Variants in ETV3 observed in about 807,000 individuals in gnomAD.
ETV3 encodes ETS variant transcription factor 3.
A neutral mutation model predicts 33.0 loss-of-function variants in ETV3; 8 were observed. The observed-to-expected ratio is 0.24, with a 90% CI of 0.14 to 0.44. The LOEUF (loss-of-function observed/expected upper bound fraction) is 0.44, where lower values mean the gene tolerates loss of function less well. Ranked by LOEUF, ETV3 falls within the 20% of genes least tolerant of loss-of-function variation. The pLI is 1.00. For missense variants in ETV3, 473 were observed against 652.3 expected (o/e 0.73, Z 2.99); for synonymous variants, 222 against 238.9 (o/e 0.93, Z 0.65).
At position 157,125,339 on chromosome 1, in the gene ETV3, C is replaced by A. The variant is rs1674804072; in HGVS notation, c.1041G>T (p.Gln347His). Residue 347 changes from glutamine (Q) to histidine (H), a missense_variant, in exon 5 of 5, where the codon CAG becomes CAT. Gln to His is a conservative substitution (Grantham distance 24). Coordinates refer to ENST00000368192, the MANE Select transcript of ETV3 (RefSeq NM_001145312.3). The surrounding 1 kb of genome is among the most constrained non-coding windows in gnomAD (Gnocchi z 4.0). ...EESTQFSIKL[Q>H]PPPVGRKNRE... is the part of the protein sequence containing the mutation. ...GGTTCTTCCGCCCAACTGGTGGGGG[C>A]TGCAGCTTGATGGAGAACTGAGTTG... is the stretch of plus-strand genomic sequence containing the variant. The A allele has an allele frequency of 6.4e-7, 1 of 1,551,856 alleles. No homozygotes were observed. The highest frequency in any genetic ancestry group is 1.4e-5 in the African/African-American group (1 of 73,038).
chr1:157,126,340 G>A (rs1674834902), intron 4 of ETV3, among the ~76,000 whole-genome samples: 1 of 152,164 alleles, frequency 6.6e-6, no homozygotes, highest in African/African-American at 2.4e-5. Context: ...TAAATATTAA[G>A]TGGAATGAAT....
intron 4 of ETV3, among the ~76,000 whole-genome samples, chr1:157,132,631 G>A (rs1674994121): frequency 6.6e-6 from 1 of 152,182 alleles, no homozygotes; most frequent in African/African-American, 2.4e-5. Flanking sequence ...GGGCAAGAGT[G>A]AGAAACAGAG....
chr1:157,134,011 G>T, intron 4 of ETV3, 101 bp downstream of exon 4: 6 of 1,524,062 alleles, frequency 3.9e-6, no homozygotes, highest in Non-Finnish European at 5.3e-6. Context: ...TTATTTTAGT[G>T]TTTCTAAAAT....
intron 2 of ETV3, among the ~76,000 whole-genome samples, 166 bp downstream of exon 2, chr1:157,136,141 A>C (rs1172405946): frequency 6.6e-6 from 1 of 152,168 alleles, no homozygotes; most frequent in Non-Finnish European, 1.5e-5. Context: ...CAGACATGTT[A>C]AATATACATC....
chr1:157,127,624 C>T (rs1674872105), intron 4 of ETV3, among the ~76,000 whole-genome samples: 1 of 151,080 alleles, frequency 6.6e-6, no homozygotes, highest in East Asian at 2.0e-4. Context: ...TGGCTCAATG[C>T]AACCTCCACC....
chr1:157,126,782 C>T (rs113470838), intron 4 of ETV3, among the ~76,000 whole-genome samples: 4,286 of 94,802 alleles, frequency 0.045, 179 homozygotes, highest in African/African-American at 0.16. Context: ...GCTGACTGTG[C>T]GGAGGGACAG....
rs1204541303 is a variant in ETV3 at position 157,121,964 on chromosome 1, A to G, written c.*2877T>C. The G allele has an allele frequency of 6.6e-6, 1 of 152,246 alleles. No individual in the cohort carries two copies. The highest frequency in any genetic ancestry group is 2.4e-5 in the African/African-American group (1 of 41,468). 9.4% of individuals were successfully genotyped at this position (152,246 alleles called of 1,614,324 possible). On this transcript the variant is annotated 3_prime_UTR_variant, in exon 5 of 5. Coordinates refer to ENST00000368192, the MANE Select transcript of ETV3 (RefSeq NM_001145312.3). ...GAGCTCAGCAAGGCTGGATGCCATT[A>G]AGAGATATTTACTGTTTTCTTTTTC... is the stretch of plus-strand genomic sequence containing the variant.
At chr1:157,136,931 A>G (rs553348546) in intron 1 of ETV3, among the ~76,000 whole-genome samples, 1 of 152,240 alleles carries the variant, frequency 6.6e-6, no homozygotes, top group Non-Finnish European at 1.5e-5. Context: ...CTCCCCCTTG[A>G]AAAATACCCT....
chr1:157,122,508 T>G lies in ETV3; in HGVS notation c.*2333A>C, dbSNP rs1674727392. 1 of 151,898 alleles carries G rather than the reference T, an allele frequency of 6.6e-6. No individual in the cohort carries two copies. The highest frequency in any genetic ancestry group is 1.5e-5 in the Non-Finnish European group (1 of 67,974). The allele number at this position is 151,898 out of a possible 1,614,324, so 9.4% of individuals were successfully genotyped here. ...GTGTTTTTTTCAAGTGTAAAAGCAGTGACATTTTGTTCAAACAGAAGCAGC... is the reference window on the plus strand; with the variant it reads ...GTGTTTTTTTCAAGTGTAAAAGCAGGGACATTTTGTTCAAACAGAAGCAGC... On this transcript the variant is annotated 3_prime_UTR_variant, in exon 5 of 5. Coordinates refer to ENST00000368192, the MANE Select transcript of ETV3 (RefSeq NM_001145312.3).
Position 157,124,593 on chromosome 1 carries a change from G to A in ETV3, c.*248C>T, listed in dbSNP as rs1215271301. 1 of 380,090 alleles carries A rather than the reference G, an allele frequency of 2.6e-6. No individual in the cohort carries two copies. The allele number at this position is 380,090 out of a possible 1,614,324, so 23.5% of individuals were successfully genotyped here. A position where few individuals can be genotyped will look rare whatever the true frequency, so the allele number is the denominator to read the frequency against. On this transcript the variant is annotated 3_prime_UTR_variant, in exon 5 of 5. Coordinates refer to ENST00000368192, the MANE Select transcript of ETV3 (RefSeq NM_001145312.3). The stretch of plus-strand genomic sequence containing the variant: ...AGTATAAGCCTCAACAGGAAATAGA[G>A]GCTCCTTCTCCTTTGAGTTCAATAC...
chr1:157,125,597 G>A lies in ETV3; in HGVS notation c.783C>T (p.Val261=), dbSNP rs1056303583. The A allele has an allele frequency of 2.6e-6, 4 of 1,551,804 alleles. No individual in the cohort carries two copies. Among genetic ancestry groups the A allele is most frequent in the Non-Finnish European group, 3.5e-6 (4 of 1,147,008 alleles). ...TCAGGGAGAGGGCTGGTGAAATGGG[G>A]ACATTAAGGACACCTCCGCGGCCAG... is the stretch of plus-strand genomic sequence containing the variant. The part of the protein sequence containing the change: ...PIPGRGGVLN[V]PISPALSLTP... Residue 261 remains valine, a synonymous_variant, in exon 5 of 5, where the codon GTC becomes GTT. Coordinates refer to ENST00000368192, the MANE Select transcript of ETV3 (RefSeq NM_001145312.3). This position sits in a 1 kb window ranked among gnomAD's most constrained non-coding sequence, Gnocchi z 4.0.
At chr1:157,133,446 C>G (rs74116988) in intron 4 of ETV3, 1 of 985,498 alleles carries the variant, frequency 1.0e-6, no homozygotes, top group Non-Finnish European at 1.2e-6. Flanking sequence ...AACCACACAA[C>G]AACAAAGTCT....
At position 157,123,975 on chromosome 1, in the gene ETV3, T is replaced by C. The variant is rs1674763369; in HGVS notation, c.*866A>G. 2.0e-5 allele frequency: 3 copies of C among 152,022 alleles called. No homozygotes were observed. Among genetic ancestry groups the C allele is most frequent in the Admixed American group, 2.0e-4 (3 of 15,268 alleles). The allele number at this position is 152,022 out of a possible 1,614,324, so 9.4% of individuals were successfully genotyped here. On this transcript the variant is annotated 3_prime_UTR_variant, in exon 5 of 5. Transcript: ENST00000368192. ...AGTATTTTGTTTTTCATCTGTTTTG[T>C]ATTTAAAGGCATTGGGTTACTTCCT...
At chr1:157,136,256 A>G in intron 2 of ETV3, 51 bp downstream of exon 2, 1 of 1,560,074 alleles carries the variant, frequency 6.4e-7, no homozygotes. Context: ...GAGGACAGGA[A>G]CCACTGAGGG....
At chr1:157,127,038 C>A (rs867166660) in intron 4 of ETV3, among the ~76,000 whole-genome samples, 1 of 151,850 alleles carries the variant, frequency 6.6e-6, no homozygotes, top group South Asian at 2.1e-4. Context: ...TGGGGAGGGG[C>A]ATAGCTGCCC....
Position 157,122,342 on chromosome 1 carries a change from C to T in ETV3, c.*2499G>A, listed in dbSNP as rs1158479802. ...GGTTCGGCTCTGTATAAGGACCCTC[C>T]CCTCCCAACCCCAACCCCAGAGTGC... is the stretch of plus-strand genomic sequence containing the variant. On this transcript the variant is annotated 3_prime_UTR_variant, in exon 5 of 5. Transcript: ENST00000368192. 6.6e-6 allele frequency: 1 copy of T among 152,148 alleles called. No homozygotes were observed. Among genetic ancestry groups the T allele is most frequent in the Non-Finnish European group, 1.5e-5 (1 of 68,022 alleles). The allele number at this position is 152,148 out of a possible 1,614,324, so 9.4% of individuals were successfully genotyped here.
chr1:157,126,042 T>C, intron 4 of ETV3, 63 bp from the exon 5 acceptor site: 1 of 1,392,754 alleles, frequency 7.2e-7, no homozygotes, highest in Non-Finnish European at 9.5e-7. Context: ...TCATCACTTA[T>C]GCTAACTAAG....
In ETV3 at chr1:157,124,769, C is replaced by CCT; in HGVS notation, c.*71_*72insAG. 1.4e-6 allele frequency: 1 copy of CCT among 694,886 alleles called. No homozygotes were observed. Among genetic ancestry groups the CCT allele is most frequent in the South Asian group, 4.8e-5 (1 of 20,888 alleles). The allele number at this position is 694,886 out of a possible 1,614,324, so 43.0% of individuals were successfully genotyped here. ...CCAGTTTAACTCCCTCCCCCCCACC[C>CCT]TGAAATCTTGCTACATAAATACATG... is the stretch of plus-strand genomic sequence containing the variant. On this transcript the variant is annotated 3_prime_UTR_variant, in exon 5 of 5. Coordinates refer to ENST00000368192, the MANE Select transcript of ETV3 (RefSeq NM_001145312.3).
chr1:157,132,343 T>C (rs992648003), intron 4 of ETV3, among the ~76,000 whole-genome samples: 2 of 152,212 alleles, frequency 1.3e-5, no homozygotes, highest in Admixed American at 6.5e-5. Context: ...GCCACTATTG[T>C]TAGGTTTCTA....
Sources: gnomAD v4.1 joint callset for allele counts (sites outside exome capture counted in the v4.1 genomes callset) on GRCh38, gnomAD v4.1.1 for gene constraint, Gnocchi (gnomAD v3.1) non-coding constraint, MANE v1.5 for transcripts, NCBI Gene and HGNC (gene_info 2026-07-23, HGNC 2026-07-21) for gene names.